The following RUNX1T1 variants were observed in gnomAD, a reference collection of about 807,000 sequenced individuals.
The protein encoded by RUNX1T1 is protein CBFA2T1.
In RUNX1T1, 4 loss-of-function variants were observed where a neutral mutation model predicts 62.8. That is an observed-to-expected ratio of 0.06 (90% confidence interval 0.03 to 0.15). RUNX1T1 has a LOEUF of 0.15. Among genes scored for constraint, RUNX1T1 ranks in the 10% least tolerant of loss-of-function variants. The pLI, the probability that RUNX1T1 is intolerant of heterozygous loss-of-function variation, is 1.00. For synonymous variants in RUNX1T1, 291 were observed against 286.0 expected (o/e 1.02, Z -0.18); for missense variants, 508 against 754.3 (o/e 0.67, Z 3.82).
intron 1 of RUNX1T1, among the ~76,000 whole-genome samples, chr8:92,094,598 A>C (rs1464979702): frequency 6.6e-6 from 1 of 152,166 alleles, no homozygotes; most frequent in Non-Finnish European, 1.5e-5. Context: ...CGTCAGCATC[A>C]ATTTATCACG....
chr8:92,014,772 G>A, exon 3 of RUNX1T1: 1 of 1,613,966 alleles, frequency 6.2e-7, no homozygotes, highest in Non-Finnish European at 8.5e-7. Context: ...ATTGGGTGGT[G>A]AGGGGGCGCC....
chr8:91,965,039 G>T (rs1305944226), intron 10 of RUNX1T1, among the ~76,000 whole-genome samples: 3 of 152,122 alleles, frequency 2.0e-5, no homozygotes, highest in African/African-American at 7.2e-5. Context: ...TGAATAAATG[G>T]CAGGTACTAC....
At chr8:92,056,365 C>T (rs1306646807) in intron 1 of RUNX1T1, among the ~76,000 whole-genome samples, 2 of 152,172 alleles carry the variant, frequency 1.3e-5, no homozygotes, top group Non-Finnish European at 2.9e-5. Flanking sequence ...TTTCACCTAG[C>T]TGATTATATA....
intron 2 of RUNX1T1, chr8:92,071,448 A>ATT (rs757894948): frequency 2.6e-5 from 4 of 152,126 alleles, no homozygotes; most frequent in Admixed American, 1.3e-4. Flanking sequence ...GCTGAAACAG[A>ATT]TTGTTTCATA....
intron 10 of RUNX1T1, among the ~76,000 whole-genome samples, chr8:91,970,018 C>CTGTG (rs1554595112): frequency 1.6e-4 from 23 of 142,550 alleles, no homozygotes; most frequent in Admixed American, 2.8e-4. Flanking sequence ...TTTAGGCTAG[C>CTGTG]TGTGTGTGTG....
At chr8:91,983,714 T>A (rs1352741076) in intron 8 of RUNX1T1, among the ~76,000 whole-genome samples, 1 of 152,208 alleles carries the variant, frequency 6.6e-6, no homozygotes, top group East Asian at 1.9e-4. Flanking sequence ...CTCCAATCCT[T>A]TCATTACACA....
chr8:92,006,598 C>T (rs1563737191), intron 4 of RUNX1T1: 1 of 151,046 alleles, frequency 6.6e-6, no homozygotes, highest in Non-Finnish European at 1.5e-5. Flanking sequence ...CTTCAGTGCT[C>T]TTTATTTCTT....
chr8:92,034,786 A>ACACACT (rs1271460445), intron 1 of RUNX1T1, among the ~76,000 whole-genome samples: 1 of 127,774 alleles, frequency 7.8e-6, no homozygotes, highest in Non-Finnish European at 1.6e-5. Flanking sequence ...ACACATATAT[A>ACACACT]TATACATATA....
At chr8:92,025,333 A>G (rs908139136) in intron 1 of RUNX1T1, among the ~76,000 whole-genome samples, 18 of 152,116 alleles carry the variant, frequency 1.2e-4, no homozygotes, top group Admixed American at 8.5e-4. Flanking sequence ...TTTGTGACCC[A>G]TCTGGTTCCT....
chr8:92,043,442 A>G (rs1443009391), intron 1 of RUNX1T1, among the ~76,000 whole-genome samples: 1 of 152,074 alleles, frequency 6.6e-6, no homozygotes, highest in East Asian at 1.9e-4. Flanking sequence ...AAACTATCAC[A>G]AAAGTAGAGA....
intron 2 of RUNX1T1, among the ~76,000 whole-genome samples, chr8:92,016,965 C>T (rs1369941025): frequency 6.6e-6 from 1 of 152,150 alleles, no homozygotes; most frequent in East Asian, 1.9e-4. Context: ...AATGCTGCTT[C>T]ATTTGCTAAA....
chr8:91,958,873 A>G (rs1032213409), downstream of RUNX1T1: 12 of 193,854 alleles, frequency 6.2e-5, no homozygotes, highest in African/African-American at 2.4e-4. Flanking sequence ...AAAAAATCCT[A>G]TAAGAGAGTG....
chr8:92,083,264 C>T (rs1232152211), intron 1 of RUNX1T1, among the ~76,000 whole-genome samples: 1 of 152,096 alleles, frequency 6.6e-6, no homozygotes, highest in Non-Finnish European at 1.5e-5. Flanking sequence ...TCTAATTAAA[C>T]TAAAGAGCTT....
intron 6 of RUNX1T1, among the ~76,000 whole-genome samples, chr8:91,990,175 AAAACAAAAAAAC>A (rs1220114119): frequency 2.6e-5 from 4 of 152,194 alleles, no homozygotes; most frequent in East Asian, 1.9e-4. Flanking sequence ...CTGTGGCAAA[AAAACAAAAAAAC>A]AAACAAAAAA....
intron 1 of RUNX1T1, among the ~76,000 whole-genome samples, chr8:92,037,498 C>T (rs536418638): frequency 1.1e-4 from 17 of 152,018 alleles, no homozygotes; most frequent in South Asian, 4.1e-4. Context: ...GCCAACATGG[C>T]GAAACCCTGT....
chr8:92,064,637 ATACTT>A (rs1228109761), upstream of RUNX1T1, among the ~76,000 whole-genome samples: 2 of 152,110 alleles, frequency 1.3e-5, no homozygotes, highest in African/African-American at 4.8e-5. Context: ...TTTTAGTACT[ATACTT>A]ATGTTAGAAA....
chr8:92,040,380 CAT>C (rs1466278348), intron 1 of RUNX1T1, among the ~76,000 whole-genome samples: 8 of 152,096 alleles, frequency 5.3e-5, no homozygotes, highest in Non-Finnish European at 8.8e-5. Context: ...CACGGACACA[CAT>C]GTTCCTTAAA....
chr8:92,097,417 T>C (rs1313554987), intron 1 of RUNX1T1, among the ~76,000 whole-genome samples: 2 of 152,166 alleles, frequency 1.3e-5, no homozygotes, highest in Non-Finnish European at 2.9e-5. Context: ...TTTCTCTAGC[T>C]ATTCTAGAAA....
At chr8:92,051,569 TACACACACTCTCTCTCTCACACACAC>T (rs1341613048) in intron 1 of RUNX1T1, among the ~76,000 whole-genome samples, 11 of 148,170 alleles carry the variant, frequency 7.4e-5, no homozygotes, top group Admixed American at 4.0e-4. Context: ...CTCTCTCACA[TACACACACTCTCTCTCTCACACACAC>T]ACACACACTC....
Sources: gnomAD v4.1 joint callset for allele counts (sites outside exome capture counted in the v4.1 genomes callset) on GRCh38, gnomAD v4.1.1 for gene constraint, MANE v1.5 for transcripts, NCBI Gene and HGNC (gene_info 2026-07-23, HGNC 2026-07-21) for gene names.